Variants in KANK1 observed in about 807,000 individuals in gnomAD.
KANK1 encodes KN motif and ankyrin repeat domain-containing protein 1.
In KANK1, 109 loss-of-function variants were observed where a neutral mutation model predicts 106.2. That is an observed-to-expected ratio of 1.03 (90% CI 0.88 to 1.20). KANK1 has a LOEUF of 1.20. Ranked by LOEUF, KANK1 falls within the 50% of genes most tolerant of loss-of-function variation. The pLI is 0.00. For synonymous variants in KANK1, 873 were observed against 652.2 expected (o/e 1.34, Z -5.16); for missense variants, 2,399 against 1,710.7 (o/e 1.40, Z -7.10).
intron 1 of KANK1, among the ~76,000 whole-genome samples, chr9:605,043 C>G (rs1273290382): frequency 6.6e-6 from 1 of 151,760 alleles, no homozygotes; most frequent in African/African-American, 2.4e-5. Context: ...GTGGCTCACG[C>G]CTGTAATCCC....
At position 713,436 on chromosome 9, in the gene KANK1, C is replaced by T. The variant is rs747311180; in HGVS notation, c.2670C>T (p.Phe890=). 1.8e-5 allele frequency: 28 copies of T among 1,599,170 alleles called. No individual in the cohort carries two copies. The highest frequency in any genetic ancestry group is 2.4e-5 in the Non-Finnish European group (28 of 1,173,996). ...CTGAAGAGCTGAGGAACCCTGACTTCCAGAAAACCAGTCTGGGTAAAATCA... is the reference window on the plus strand; with the variant it reads ...CTGAAGAGCTGAGGAACCCTGACTTTCAGAAAACCAGTCTGGGTAAAATCA... ...ASTEELRNPD[F]QKTSLGKITG... Residue 890 remains phenylalanine, a synonymous_variant, in exon 3 of 12, where the codon TTC becomes TTT. Coordinates refer to ENST00000382297, the MANE Select transcript of KANK1 (RefSeq NM_015158.5).
rs572786705 is a variant in KANK1 at position 481,530 on chromosome 9, G to T, written c.-362+8257G>T. On this transcript the variant is annotated intron_variant, in intron 3 of 15. Coordinates refer to the KANK1 transcript ENST00000382303. ...GGAGTTGAACAGAAGTATTGAATGT[G>T]GTCTCCATCCTCAGAAAACTCAAAA... Among the ~76,000 whole-genome samples, 7 of 152,252 alleles carry T rather than the reference G, an allele frequency of 4.6e-5. No individual in the cohort carries two copies. The South Asian group carries it at 1.5e-3, about 32-fold the overall frequency.
chr9:643,734 G>A (rs1036362736), intron 1 of KANK1, among the ~76,000 whole-genome samples: 5 of 149,792 alleles, frequency 3.3e-5, no homozygotes, highest in South Asian at 2.1e-4. Flanking sequence ...ACAGAGTCTC[G>A]CTCTGTTGCC....
chr9:628,788 A>G (rs12338965), intron 1 of KANK1, among the ~76,000 whole-genome samples: 2 of 151,886 alleles, frequency 1.3e-5, no homozygotes. Flanking sequence ...TGTTCAGTTT[A>G]CCATCTTGGG....
chr9:691,630 T>TTTTTTTTTTTTA (rs59652466), intron 2 of KANK1, among the ~76,000 whole-genome samples: 12 of 147,686 alleles, frequency 8.1e-5, no homozygotes, highest in Admixed American at 2.0e-4. Flanking sequence ...TTTTTTTTTT[T>TTTTTTTTTTTTA]GAGACCAGAG....
chr9:617,259 A>T (rs1482229595), intron 1 of KANK1, among the ~76,000 whole-genome samples: 1 of 152,162 alleles, frequency 6.6e-6, no homozygotes, highest in African/African-American at 2.4e-5. Context: ...TGTATTCTAC[A>T]ACTTCACTCG....
At position 738,370 on chromosome 9, in the gene KANK1, T is replaced by G; in HGVS notation, c.3419T>G (p.Ile1140Arg). The G allele has an allele frequency of 6.2e-7, 1 of 1,614,180 alleles. No individual in the cohort carries two copies. The highest frequency in any genetic ancestry group is 8.5e-7 in the Non-Finnish European group (1 of 1,180,014). ...ATTCCAGCCATGGTGGGGGACTACA[T>G]AGCTGCTTTTGAGGCCATTTCCCCA... is the stretch of plus-strand genomic sequence containing the variant. ...SAIPAMVGDY[I>R]AAFEAISPDV... is the part of the protein sequence containing the mutation. Residue 1140 changes from isoleucine to arginine, a missense_variant, in exon 8 of 12, where the codon ATA becomes AGA. Physicochemically the swap from Ile to Arg is moderately conservative, Grantham distance 97 (BLOSUM62 -3). Coordinates refer to ENST00000382297, the MANE Select transcript of KANK1 (RefSeq NM_015158.5).
chr9:641,569 A>G (rs1838440015), intron 1 of KANK1, among the ~76,000 whole-genome samples: 1 of 152,222 alleles, frequency 6.6e-6, no homozygotes, highest in African/African-American at 2.4e-5. Flanking sequence ...ATTACCCTGT[A>G]CTGAAGAAAC....
At chr9:625,425 ATTGT>A (rs1360156861) in intron 1 of KANK1, among the ~76,000 whole-genome samples, 1 of 152,134 alleles carries the variant, frequency 6.6e-6, no homozygotes, top group African/African-American at 2.4e-5. Context: ...TTCCAGAAAA[ATTGT>A]TTATTACTGG....
intron 1 of KANK1, among the ~76,000 whole-genome samples, chr9:651,108 G>A (rs993922527): frequency 1.3e-5 from 2 of 152,070 alleles, no homozygotes; most frequent in African/African-American, 2.4e-5. Context: ...ATTTGGAATC[G>A]GGACAGTTTT....
intron 1 of KANK1, among the ~76,000 whole-genome samples, chr9:648,856 T>C (rs963146344): frequency 1.6e-4 from 25 of 152,238 alleles, no homozygotes; most frequent in African/African-American, 5.8e-4. Flanking sequence ...CTCTTTATTC[T>C]GAAACCATGT....
intron 1 of KANK1, among the ~76,000 whole-genome samples, chr9:616,843 C>T (rs972772166): frequency 1.3e-5 from 2 of 152,200 alleles, no homozygotes; most frequent in African/African-American, 4.8e-5. Flanking sequence ...AAGTTCCACA[C>T]TAGCCCTTAA....
intron 1 of KANK1, among the ~76,000 whole-genome samples, chr9:544,307 G>A (rs1290595122): frequency 6.6e-6 from 1 of 152,160 alleles, no homozygotes; most frequent in Non-Finnish European, 1.5e-5. Flanking sequence ...ACAGGCAAGA[G>A]CCACTGCACC....
intron 1 of KANK1, among the ~76,000 whole-genome samples, chr9:648,186 T>TA (rs1840121466): frequency 1.4e-5 from 2 of 143,840 alleles, no homozygotes; most frequent in Admixed American, 6.7e-5. Flanking sequence ...ATATTTTTAG[T>TA]AGAGACGGGG....
intron 1 of KANK1, among the ~76,000 whole-genome samples, chr9:626,730 A>G (rs1178034753): frequency 1.3e-5 from 2 of 152,244 alleles, no homozygotes; most frequent in Non-Finnish European, 2.9e-5. Flanking sequence ...GACAGAATAT[A>G]TTTGTGCTTA....
intron 1 of KANK1, among the ~76,000 whole-genome samples, chr9:536,392 C>T (rs766861841): frequency 2.8e-4 from 42 of 149,184 alleles, no homozygotes; most frequent in Non-Finnish European, 5.2e-4. Context: ...TTGTGTAGAT[C>T]AGAAGTTGGA....
chr9:712,805 T>A lies in KANK1; in HGVS notation c.2039T>A (p.Val680Glu). 1 of 1,613,504 alleles carries A rather than the reference T, an allele frequency of 6.2e-7. No homozygotes were observed. The highest frequency in any genetic ancestry group is 1.1e-5 in the South Asian group (1 of 90,968). Residue 680 changes from valine to glutamate, a missense_variant, in exon 3 of 12, where the codon GTG (valine) becomes GAG (glutamate). Val to Glu is a moderately radical substitution (Grantham distance 121). Coordinates refer to ENST00000382297, the MANE Select transcript of KANK1 (RefSeq NM_015158.5). ...DQDTSTDLEQVHQFTNTETAT... is the reference protein window; with the variant it reads ...DQDTSTDLEQEHQFTNTETAT... ...GACACTAGCACAGATTTGGAACAGG[T>A]GCACCAGTTCACCAACACCGAGACG...
At chr9:486,096 C>G (rs1055891728) in intron 3 of KANK1, among the ~76,000 whole-genome samples, 4 of 152,072 alleles carry the variant, frequency 2.6e-5, no homozygotes, top group African/African-American at 9.7e-5. Flanking sequence ...AAATTTTTGA[C>G]CAGACTCTAA....
At chr9:688,038 A>T (rs1818960988) in intron 2 of KANK1, among the ~76,000 whole-genome samples, 1 of 152,146 alleles carries the variant, frequency 6.6e-6, no homozygotes, top group African/African-American at 2.4e-5. Flanking sequence ...ACAGGTCAAA[A>T]ATCAGGCCCA....
Sources: allele counts gnomAD v4.1 joint callset (sites outside exome capture counted in the v4.1 genomes callset), GRCh38; gene constraint gnomAD v4.1.1; transcripts MANE v1.5; gene names NCBI Gene and HGNC (gene_info 2026-07-23, HGNC 2026-07-21).